The following MALRD1 variants were observed in gnomAD, a reference collection of about 807,000 sequenced individuals.
MALRD1 encodes MAM and LDL receptor class A domain containing 1, also known as MAM and LDL-receptor class A domain-containing protein 1.
Under a neutral mutation model 242.1 loss-of-function variants are expected in MALRD1, and 247 were observed. That is an observed-to-expected ratio of 1.02 (90% CI 0.92 to 1.13). MALRD1 has a LOEUF of 1.13. MALRD1 is among the 50% of genes most tolerant of loss of function. The probability of loss-of-function intolerance (pLI) is 0.00; values close to 1 mark genes in which losing one functional copy is unlikely to be tolerated. For synonymous variants in MALRD1, 995 were observed against 866.6 expected (o/e 1.15, Z -2.60); for missense variants, 2,989 against 2,533.1 (o/e 1.18, Z -3.86).
At chr10:19,414,129 C>T (rs7908348) in intron 28 of MALRD1, among the ~76,000 whole-genome samples, 7,755 of 151,754 alleles carry the variant, frequency 0.051, 331 homozygotes, top group African/African-American at 0.12. Flanking sequence ...GTTATAGACT[C>T]TACAGAACTT....
chr10:19,104,570 T>C (rs1211797889), intron 5 of MALRD1, among the ~76,000 whole-genome samples: 1 of 152,156 alleles, frequency 6.6e-6, no homozygotes, highest in Non-Finnish European at 1.5e-5. Context: ...ACTAATATTC[T>C]ATTCTTCATT....
rs147396995 is a variant in MALRD1 at position 19,249,976 on chromosome 10, A to G, written c.2992-7708A>G. ...TTTGGTGTCTCCTTTTACAAAGAGA[A>G]TGAAAGGCATATGATGATTTTTTGT... On this transcript the variant is annotated intron_variant, in intron 18 of 39. Transcript: ENST00000454679. Among the ~76,000 whole-genome samples, 356 of 152,172 alleles carry G rather than the reference A, an allele frequency of 2.3e-3. 1 individual carries two copies. The highest frequency in any genetic ancestry group is 8.2e-3 in the African/African-American group (341 of 41,550).
chr10:19,183,283 T>C (rs989763080), intron 14 of MALRD1, among the ~76,000 whole-genome samples: 4 of 152,038 alleles, frequency 2.6e-5, no homozygotes, highest in Non-Finnish European at 5.9e-5. Context: ...TACAGAGAAG[T>C]AGGAGTCTTT....
intron 28 of MALRD1, among the ~76,000 whole-genome samples, chr10:19,442,028 C>G (rs898807532): frequency 6.6e-6 from 1 of 152,096 alleles, no homozygotes; most frequent in Admixed American, 6.5e-5. Flanking sequence ...GTTTGTAGTT[C>G]TCCGTGAAGA....
chr10:19,048,261 A>G (rs1834388589), upstream of MALRD1, among the ~76,000 whole-genome samples: 1 of 152,208 alleles, frequency 6.6e-6, no homozygotes, highest in African/African-American at 2.4e-5. Context: ...TTGAAGTTAT[A>G]TGATTTATAA....
At position 19,323,049 on chromosome 10, in the gene MALRD1, G is replaced by T. The variant is rs1999654; in HGVS notation, c.3420-900G>T. Among the ~76,000 whole-genome samples, 32 of 151,902 alleles carry T rather than the reference G, an allele frequency of 2.1e-4. No homozygotes were observed. In the East Asian group the frequency reaches 6.0e-3, roughly 29 times the overall value. ...CTTTCTTTTATGGCAAAAAAAAATC[G>T]TATTTAATTGTTTCCATCATTATTT... On this transcript the variant is annotated intron_variant, in intron 21 of 39. Transcript: ENST00000454679.
chr10:19,478,166 C>T (rs1056918202), intron 29 of MALRD1, among the ~76,000 whole-genome samples: 1 of 152,190 alleles, frequency 6.6e-6, no homozygotes, highest in African/African-American at 2.4e-5. Context: ...ACAGTATAGC[C>T]AATTAAACAC....
At chr10:19,057,245 C>G (rs1211866018) in intron 1 of MALRD1, among the ~76,000 whole-genome samples, 1 of 152,082 alleles carries the variant, frequency 6.6e-6, no homozygotes, top group Non-Finnish European at 1.5e-5. Context: ...GTACATTTAC[C>G]TTCAAGGAAA....
chr10:19,454,889 G>T (rs1397211931), intron 29 of MALRD1, among the ~76,000 whole-genome samples: 1 of 151,858 alleles, frequency 6.6e-6, no homozygotes, highest in Non-Finnish European at 1.5e-5. Flanking sequence ...ATAATATTTA[G>T]AAAATAGCCA....
intron 18 of MALRD1, among the ~76,000 whole-genome samples, chr10:19,226,911 A>T (rs968712703): frequency 6.6e-6 from 1 of 152,084 alleles, no homozygotes; most frequent in African/African-American, 2.4e-5. Context: ...TAAGCAATTT[A>T]ACTTATAATA....
intron 29 of MALRD1, among the ~76,000 whole-genome samples, chr10:19,457,270 C>T (rs546013520): frequency 6.6e-6 from 1 of 152,158 alleles, no homozygotes; most frequent in Non-Finnish European, 1.5e-5. Flanking sequence ...AAAGCAGTCA[C>T]ACAGCACTTG....
chr10:19,331,436 A>G lies in MALRD1; in HGVS notation c.3755A>G (p.Gln1252Arg). 6.4e-7 allele frequency: 1 copy of G among 1,550,588 alleles called. No individual in the cohort carries two copies. The highest frequency in any genetic ancestry group is 8.7e-7 in the Non-Finnish European group (1 of 1,146,898). Reference sequence around the variant, plus strand: ...GTAGCAGTGGATGATATTTCCTTCCAAGATTGCTCCCCTTTGCTTAGCCCA... The same window carrying G: ...GTAGCAGTGGATGATATTTCCTTCCGAGATTGCTCCCCTTTGCTTAGCCCA... ...GDVAVDDISF[Q>R]DCSPLLSPER... The change falls in exon 24 of 40, where the codon CAA becomes CGA. Residue 1252 changes from glutamine to arginine, a missense_variant. Coordinates refer to ENST00000454679, the MANE Select transcript of MALRD1 (RefSeq NM_001142308.3).
intron 28 of MALRD1, among the ~76,000 whole-genome samples, chr10:19,390,870 C>G (rs1305675788): frequency 6.6e-6 from 1 of 152,084 alleles, no homozygotes; most frequent in Non-Finnish European, 1.5e-5. Flanking sequence ...ATACATGTTG[C>G]AAGAACCACA....
chr10:19,506,734 A>G lies in MALRD1; in HGVS notation c.5320+8088A>G, dbSNP rs147350532. 4.9e-3 allele frequency among the ~76,000 whole-genome samples: 742 copies of G among 152,294 alleles called. 2 individuals are homozygous for G. The highest frequency in any genetic ancestry group is 0.01 in the South Asian group (50 of 4,830). ...TGCCAGTAATAAAAAAGAAGTCATTATCTGATAAAAATATATACTGAAGTA... is the reference window on the plus strand; with the variant it reads ...TGCCAGTAATAAAAAAGAAGTCATTGTCTGATAAAAATATATACTGAAGTA... On this transcript the variant is annotated intron_variant, in intron 31 of 39. Coordinates refer to ENST00000454679, the MANE Select transcript of MALRD1 (RefSeq NM_001142308.3).
chr10:19,708,989 A>G (rs1192439794), intron 38 of MALRD1, among the ~76,000 whole-genome samples: 2 of 120,258 alleles, frequency 1.7e-5, no homozygotes, highest in Non-Finnish European at 3.8e-5. Context: ...AAATGGAAAC[A>G]GTGTATCACA....
chr10:19,341,490 ATATGTATATATGTATATATATGTG>A (rs1843861061), intron 24 of MALRD1, among the ~76,000 whole-genome samples: 13 of 146,502 alleles, frequency 8.9e-5, no homozygotes, highest in Admixed American at 4.1e-4. Context: ...ATGTGTATAT[ATATGTATATATGTATATATATGTG>A]TGTATATATG....
At chr10:19,360,623 A>G (rs1844850547) in intron 26 of MALRD1, among the ~76,000 whole-genome samples, 1 of 152,134 alleles carries the variant, frequency 6.6e-6, no homozygotes, top group South Asian at 2.1e-4. Flanking sequence ...TATGGCCTGC[A>G]TAGAAAACAC....
intron 28 of MALRD1, among the ~76,000 whole-genome samples, chr10:19,425,659 G>T (rs1274610332): frequency 6.6e-6 from 1 of 152,168 alleles, no homozygotes; most frequent in Admixed American, 6.5e-5. Flanking sequence ...AGGGAGTTCA[G>T]TGCATTCTCC....
intron 18 of MALRD1, among the ~76,000 whole-genome samples, chr10:19,229,381 C>T (rs1400389450): frequency 6.6e-6 from 1 of 151,974 alleles, no homozygotes; most frequent in South Asian, 2.1e-4. Context: ...TGTGTCCCAC[C>T]AATATTTGAT....
Sources: allele counts gnomAD v4.1 joint callset (sites outside exome capture counted in the v4.1 genomes callset), GRCh38; gene constraint gnomAD v4.1.1; transcripts MANE v1.5; gene names NCBI Gene and HGNC (gene_info 2026-07-23, HGNC 2026-07-21).